MPI: variants seen among roughly 807,000 people sequenced by gnomAD.
MPI encodes mannose phosphate isomerase.
MPI carries 33 observed loss-of-function variants against 40.1 expected under a neutral mutation model. The observed-to-expected ratio is 0.82, with a 90% CI of 0.62 to 1.10. The LOEUF (loss-of-function observed/expected upper bound fraction) is 1.10, where lower values mean the gene tolerates loss of function less well. Ranked by LOEUF, MPI falls within the 50% of genes least tolerant of loss-of-function variation. MPI has a pLI of 0.00. For synonymous variants in MPI, 187 were observed against 207.4 expected (o/e 0.90, Z 0.85); for missense variants, 514 against 524.1 (o/e 0.98, Z 0.19).
At chr15:74,891,871 A>G (rs1412375555) in intron 3 of MPI, among the ~76,000 whole-genome samples, 1 of 152,116 alleles carries the variant, frequency 6.6e-6, no homozygotes, top group Non-Finnish European at 1.5e-5. Flanking sequence ...CATATCTGCC[A>G]TTTACTCATC....
intron 5 of MPI, among the ~76,000 whole-genome samples, chr15:74,894,382 C>G (rs531537636): frequency 6.6e-6 from 1 of 151,686 alleles, no homozygotes; most frequent in Non-Finnish European, 1.5e-5. Flanking sequence ...CCACGCCAGG[C>G]CCCTTGCCTC....
At position 74,897,995 on chromosome 15, in the gene MPI, C is replaced by T. The variant is rs2064849687; in HGVS notation, c.*265C>T. On this transcript the variant is annotated 3_prime_UTR_variant, in exon 8 of 8. Transcript: ENST00000352410. ...TACTCCTCGCTACACCTGAGCCAGG[C>T]TCTTGCCAACTCTGTTCCAGCCTAT... 44 of 521,772 alleles carry T rather than the reference C, an allele frequency of 8.4e-5. No homozygotes were observed. The South Asian group carries it at 8.6e-4, about 10-fold the overall frequency. 32.3% of individuals were successfully genotyped at this position (521,772 alleles called of 1,614,324 possible). A position where few individuals can be genotyped will look rare whatever the true frequency, so the allele number is the denominator to read the frequency against.
chr15:74,896,026 C>A lies in MPI; in HGVS notation c.671-126C>A, dbSNP rs570363256. On this transcript the variant is annotated intron_variant, in intron 5 of 7. Coordinates refer to ENST00000352410, the MANE Select transcript of MPI (RefSeq NM_002435.3). The stretch of plus-strand genomic sequence containing the variant: ...AGGGCTGGAGGCGTGGCCAGAAGGA[C>A]AGGGCCACTTTGGCTTCTGGATTCC... 5.3e-6 allele frequency: 6 copies of A among 1,123,300 alleles called. No homozygotes were observed. In the African/African-American group the frequency reaches 7.6e-5, roughly 14 times the overall value. The allele number at this position is 1,123,300 out of a possible 1,614,324, so 69.6% of individuals were successfully genotyped here. A position where few individuals can be genotyped will look rare whatever the true frequency, so the allele number is the denominator to read the frequency against.
intron 6 of MPI, 45 bp downstream of exon 6, chr15:74,896,370 G>A (rs781076595): frequency 3.0e-5 from 49 of 1,607,704 alleles, no homozygotes; most frequent in Non-Finnish European, 4.0e-5. Context: ...TCCCTGCTGG[G>A]CCCTGTTTCC....
Position 74,897,215 on chromosome 15 carries a change from C to G in MPI, c.1049C>G (p.Thr350Arg). 1 of 1,613,984 alleles carries G rather than the reference C, an allele frequency of 6.2e-7. No homozygotes were observed. Among genetic ancestry groups the G allele is most frequent in the Non-Finnish European group, 8.5e-7 (1 of 1,179,908 alleles). Reference protein sequence around the residue: ...PPVPDFTIMKTEVPGSVTEYK... With the variant: ...PPVPDFTIMKREVPGSVTEYK... The stretch of plus-strand genomic sequence containing the variant: ...GTACCAGACTTCACCATTATGAAGA[C>G]GGAGGTGAGTGAGGGGCTATGATGG... The change falls in exon 7 of 8, where the codon ACG (threonine) becomes AGG (arginine). Residue 350 changes from threonine (T) to arginine (R), a missense_variant. Coordinates refer to ENST00000352410, the MANE Select transcript of MPI (RefSeq NM_002435.3).
rs1172031314 is a variant in MPI at position 74,899,685 on chromosome 15, G to A, written c.*1955G>A. The A allele has an allele frequency of 1.3e-5, 2 of 152,244 alleles. No individual in the cohort carries two copies. Among genetic ancestry groups the A allele is most frequent in the Non-Finnish European group, 2.9e-5 (2 of 68,060 alleles). 9.4% of individuals were successfully genotyped at this position (152,244 alleles called of 1,614,324 possible). ...ACTGTCTCCCGGGCTGGAGTGCAGT[G>A]GCGCGATAGCTCACTGCAACCTCCG... On this transcript the variant is annotated 3_prime_UTR_variant, in exon 8 of 8. Transcript: ENST00000352410.
rs1309740166 is a variant in MPI at position 74,895,094 on chromosome 15, T to C, written c.671-1058T>C. 4.1e-5 allele frequency among the ~76,000 whole-genome samples: 6 copies of C among 147,948 alleles called. No homozygotes were observed. In the South Asian group the frequency reaches 1.1e-3, roughly 26 times the overall value. On this transcript the variant is annotated intron_variant, in intron 5 of 7. Transcript: ENST00000352410. ...GATTCTCCTGTCTCAGCCTCCCGAG[T>C]AGCTGGGATTACAGGCACGTGCCAC...
rs2064851924 is a variant in MPI, at chr15:74,898,145, G to A, written c.*415G>A. ...ACTGCCCATTTCCTCAGCTGCAGAG[G>A]AGGAAAGGGAAAGGGTAGGCCTGTA... On this transcript the variant is annotated 3_prime_UTR_variant, in exon 8 of 8. Transcript: ENST00000352410. The A allele has an allele frequency of 5.7e-6, 2 of 350,368 alleles. No homozygotes were observed. The highest frequency in any genetic ancestry group is 1.1e-5 in the Non-Finnish European group (2 of 177,798). The allele number at this position is 350,368 out of a possible 1,614,324, so 21.7% of individuals were successfully genotyped here. A position where few individuals can be genotyped will look rare whatever the true frequency, so the allele number is the denominator to read the frequency against.
Position 74,897,583 on chromosome 15 carries a change from G to A in MPI, c.1125G>A (p.Gly375=), listed in dbSNP as rs552854858. The change falls in exon 8 of 8, where the codon GGG becomes GGA. Residue 375 remains glycine, a synonymous_variant. Transcript: ENST00000352410. The part of the protein sequence containing the change: ...DSASILLMVQ[G]TVIASTPTTQ... ...CCAGCATCCTCCTGATGGTACAGGG[G>A]ACAGTAATAGCCAGCACACCCACAA... The A allele has an allele frequency of 2.9e-5, 47 of 1,614,178 alleles. 1 individual carries two copies. In the African/African-American group the frequency reaches 4.8e-4, roughly 16 times the overall value.
Position 74,893,332 on chromosome 15 carries a change from T to G in MPI, c.670+12T>G. 4 of 1,614,060 alleles carry G rather than the reference T, an allele frequency of 2.5e-6. No homozygotes were observed. Among genetic ancestry groups the G allele is most frequent in the Non-Finnish European group, 3.4e-6 (4 of 1,179,930 alleles). ...GATCTCCCAGCAAGGTGGACACAGT[T>G]ATATTCCTGGTTGGGTGCAATGCTC... is the stretch of plus-strand genomic sequence containing the variant. On this transcript the variant is annotated intron_variant, in intron 5 of 7. Coordinates refer to ENST00000352410, the MANE Select transcript of MPI (RefSeq NM_002435.3).
At position 74,892,747 on chromosome 15, in the gene MPI, C is replaced by T. The variant is rs145767808; in HGVS notation, c.432C>T (p.Pro144=). ...HKPEMAIALT[P]FQGLCGFRPV... Reference sequence around the variant, plus strand: ...CAGAGATGGCCATTGCCCTCACCCCCTTCCAGGGCTTGTGTGGCTTCCGGC... The same window carrying T: ...CAGAGATGGCCATTGCCCTCACCCCTTTCCAGGGCTTGTGTGGCTTCCGGC... Residue 144 remains proline (P), a synonymous_variant, in exon 4 of 8, where the codon CCC becomes CCT. Coordinates refer to ENST00000352410, the MANE Select transcript of MPI (RefSeq NM_002435.3). 1.9e-6 allele frequency: 3 copies of T among 1,614,178 alleles called. No individual in the cohort carries two copies. The highest frequency in any genetic ancestry group is 1.7e-5 in the Admixed American group (1 of 60,016).
At chr15:74,894,381 G>T (rs2141203489) in intron 5 of MPI, among the ~76,000 whole-genome samples, 1 of 151,662 alleles carries the variant, frequency 6.6e-6, no homozygotes, top group African/African-American at 2.4e-5. Flanking sequence ...ACCACGCCAG[G>T]CCCCTTGCCT....
chr15:74,896,680 A>G (rs2064823127), intron 6 of MPI: 2 of 608,588 alleles, frequency 3.3e-6, no homozygotes, highest in Non-Finnish European at 5.8e-6. Flanking sequence ...ACACTAAAAT[A>G]TGCATGTTGC....
At position 74,898,015 on chromosome 15, in the gene MPI, G is replaced by C; in HGVS notation, c.*285G>C. On this transcript the variant is annotated 3_prime_UTR_variant, in exon 8 of 8. Coordinates refer to ENST00000352410, the MANE Select transcript of MPI (RefSeq NM_002435.3). ...CCAGGCTCTTGCCAACTCTGTTCCA[G>C]CCTATGGCTTTAGGCTAGCTGTTAA... The C allele has an allele frequency of 2.0e-6, 1 of 491,704 alleles. No individual in the cohort carries two copies. 30.5% of individuals were successfully genotyped at this position (491,704 alleles called of 1,614,324 possible). A position where few individuals can be genotyped will look rare whatever the true frequency, so the allele number is the denominator to read the frequency against.
At chr15:74,896,505 T>G (rs2064820832) in intron 6 of MPI, 180 bp downstream of exon 6, 1 of 730,594 alleles carries the variant, frequency 1.4e-6, no homozygotes, top group Non-Finnish European at 2.4e-6. Flanking sequence ...CATTTAGCAT[T>G]GAACACGCCT....
At position 74,891,348 on chromosome 15, in the gene MPI, C is replaced by T. The variant is rs888254313; in HGVS notation, c.145-31C>T. On this transcript the variant is annotated intron_variant, in intron 2 of 7. Transcript: ENST00000352410. ...AACTCAGGGTGGCAGGTTTCTTCCCCCTTCCCCTCCCAAGTTTCCTGTCTT... is the reference window on the plus strand; with the variant it reads ...AACTCAGGGTGGCAGGTTTCTTCCCTCTTCCCCTCCCAAGTTTCCTGTCTT... 7.5e-6 allele frequency: 12 copies of T among 1,608,788 alleles called. No homozygotes were observed. The Admixed American group carries it at 2.0e-4, about 27-fold the overall frequency.
At chr15:74,895,987 G>A in intron 5 of MPI, 165 bp from the exon 6 acceptor site, 1 of 697,776 alleles carries the variant, frequency 1.4e-6, no homozygotes, top group East Asian at 2.7e-5. Context: ...TATCAAGCAA[G>A]GCTCGACCCC....
intron 6 of MPI, 31 bp downstream of exon 6, chr15:74,896,356 G>A (rs1293626492): frequency 6.2e-7 from 1 of 1,613,068 alleles, no homozygotes; most frequent in East Asian, 2.2e-5. Flanking sequence ...GAGCCCCACT[G>A]CCATCCCTGC....
chr15:74,896,915 C>G, intron 6 of MPI, 96 bp from the exon 7 acceptor site: 1 of 1,167,332 alleles, frequency 8.6e-7, no homozygotes, highest in Non-Finnish European at 1.3e-6. Flanking sequence ...TTTTACCTAA[C>G]TTGGCATGGG....
Sources: gnomAD v4.1 joint callset for allele counts (sites outside exome capture counted in the v4.1 genomes callset) on GRCh38, gnomAD v4.1.1 for gene constraint, MANE v1.5 for transcripts, NCBI Gene and HGNC (gene_info 2026-07-23, HGNC 2026-07-21) for gene names.